Variants in DAB1 observed in about 807,000 individuals in gnomAD.
DAB1 encodes DAB adaptor protein 1, also known as disabled homolog 1.
In DAB1, 15 loss-of-function variants were observed where a neutral mutation model predicts 64.6. The observed-to-expected ratio is 0.23, with a 90% CI of 0.16 to 0.36. The LOEUF is 0.36. Ranked by LOEUF, DAB1 falls within the 10% of genes least tolerant of loss-of-function variation. The probability of loss-of-function intolerance (pLI) is 1.00; values close to 1 mark genes in which losing one functional copy is unlikely to be tolerated. For missense variants in DAB1, 596 were observed against 706.7 expected (o/e 0.84, Z 1.78); for synonymous variants, 235 against 251.9 (o/e 0.93, Z 0.64).
At chr1:58,019,138 T>C (rs1163955558) in intron 5 of DAB1, among the ~76,000 whole-genome samples, 1 of 152,226 alleles carries the variant, frequency 6.6e-6, no homozygotes, top group African/African-American at 2.4e-5. Flanking sequence ...CTCCCAGCTC[T>C]AAAATTCTGA....
intron 4 of DAB1, among the ~76,000 whole-genome samples, chr1:58,300,586 AAGAAAGAAAGAAAGAAAGAAAG>A (rs1662109082): frequency 1.2e-4 from 3 of 25,814 alleles, no homozygotes; most frequent in African/African-American, 1.0e-4. Context: ...GAAAGAAAGA[AAGAAAGAAAGAAAGAAAGAAAG>A]AAAGAGAGAG....
chr1:57,708,331 C>G (rs2101741309), intron 6 of DAB1, among the ~76,000 whole-genome samples: 1 of 152,292 alleles, frequency 6.6e-6, no homozygotes, highest in South Asian at 2.1e-4. Context: ...GGGCTAGTAC[C>G]CAAGTTGTAA....
chr1:57,869,144 T>C (rs1010039295), intron 1 of DAB1, among the ~76,000 whole-genome samples: 1 of 152,146 alleles, frequency 6.6e-6, no homozygotes, highest in African/African-American at 2.4e-5. Flanking sequence ...CATCCTTTAC[T>C]GCCAGTAAAA....
At chr1:57,331,356 AT>A (rs1284369438) in intron 1 of DAB1, among the ~76,000 whole-genome samples, 8 of 152,204 alleles carry the variant, frequency 5.3e-5, no homozygotes, top group Admixed American at 1.3e-4. Context: ...TATGTTACAA[AT>A]TTATAAATTG....
chr1:57,209,459 C>T (rs989716129), intron 2 of DAB1, among the ~76,000 whole-genome samples: 8 of 152,206 alleles, frequency 5.3e-5, no homozygotes, highest in African/African-American at 1.9e-4. Flanking sequence ...CACTGTTCCT[C>T]TACTATAAGT....
intron 7 of DAB1, among the ~76,000 whole-genome samples, chr1:57,504,406 A>G (rs1644321783): frequency 6.6e-6 from 1 of 152,176 alleles, no homozygotes; most frequent in African/African-American, 2.4e-5. Flanking sequence ...ATGATGCGGT[A>G]TGTCAAAGGG....
intron 9 of DAB1, among the ~76,000 whole-genome samples, chr1:57,036,561 C>T (rs1647160317): frequency 6.6e-6 from 1 of 152,208 alleles, no homozygotes; most frequent in Non-Finnish European, 1.5e-5. Flanking sequence ...CTCCAAATTG[C>T]TAAATCTTGT....
At chr1:58,231,413 A>G (rs1570516723) in intron 4 of DAB1, among the ~76,000 whole-genome samples, 1 of 152,340 alleles carries the variant, frequency 6.6e-6, no homozygotes, top group Non-Finnish European at 1.5e-5. Context: ...TCAGACCACA[A>G]ACATGCAAAT....
rs114793545 is a variant in DAB1 at position 58,250,857 on chromosome 1, G to A, written n.309+92495C>T. ...TGTGCTGCCTCTAGGGTCTTGGCCT[G>A]CACGTGCTTTTACACAGCCTCCTCC... On this transcript the variant is annotated intron_variant and non_coding_transcript_variant, in intron 4 of 20. Coordinates refer to the DAB1 transcript ENST00000485760. 9.1e-3 allele frequency among the ~76,000 whole-genome samples: 1,380 copies of A among 152,266 alleles called. 29 individuals are homozygous for A. The highest frequency in any genetic ancestry group is 0.032 in the African/African-American group (1,313 of 41,556).
chr1:58,524,501 C>A (rs1404326961), intron 2 of DAB1, among the ~76,000 whole-genome samples: 2 of 152,162 alleles, frequency 1.3e-5, no homozygotes, highest in Non-Finnish European at 2.9e-5. Flanking sequence ...TATGGCAATC[C>A]TGCACCCACA....
At chr1:58,415,643 A>C (rs1470259862) in intron 3 of DAB1, among the ~76,000 whole-genome samples, 1 of 152,232 alleles carries the variant, frequency 6.6e-6, no homozygotes, top group Non-Finnish European at 1.5e-5. Context: ...CATAGCATGG[A>C]ATTTCTCTTC....
intron 5 of DAB1, among the ~76,000 whole-genome samples, chr1:58,112,875 G>T (rs1250059033): frequency 6.6e-6 from 1 of 152,180 alleles, no homozygotes; most frequent in East Asian, 1.9e-4. Context: ...GCCTCTGGAA[G>T]GCTGTGGGGA....
chr1:57,271,771 T>C (rs1570120249), intron 2 of DAB1, among the ~76,000 whole-genome samples: 1 of 152,332 alleles, frequency 6.6e-6, no homozygotes, highest in East Asian at 1.9e-4. Context: ...TTGGTAGTTG[T>C]ACCTGTTCAG....
chr1:58,288,329 C>G (rs565435135), intron 4 of DAB1, among the ~76,000 whole-genome samples: 1 of 152,248 alleles, frequency 6.6e-6, no homozygotes, highest in East Asian at 1.9e-4. Flanking sequence ...AAGTTTCTGT[C>G]TGGATCTCTT....
At chr1:58,249,197 TTC>T (rs1433079086) in intron 4 of DAB1, among the ~76,000 whole-genome samples, 1 of 151,620 alleles carries the variant, frequency 6.6e-6, no homozygotes, top group East Asian at 2.0e-4. Context: ...CACACACACA[TTC>T]TCTCTCTCCT....
chr1:58,023,856 T>C (rs768208275), intron 5 of DAB1, among the ~76,000 whole-genome samples: 7 of 152,144 alleles, frequency 4.6e-5, no homozygotes, highest in Non-Finnish European at 1.0e-4. Context: ...TCTAGATGGA[T>C]CCTGCAAAAA....
chr1:58,219,025 C>CTCTCTCTCTCTCTCTCTGTG lies in DAB1; in HGVS notation n.310-68438_310-68437insCACAGAGAGAGAGAGAGAGA, dbSNP rs376130413. On this transcript the variant is annotated intron_variant and non_coding_transcript_variant, in intron 4 of 20. Transcript: ENST00000485760. ...TCTCTCTCTCTCTCTCTCTCTCTCTCTGTGTGTGTGTGTGTGTGTTTCAAT... is the reference window on the plus strand; with the variant it reads ...TCTCTCTCTCTCTCTCTCTCTCTCTCTCTCTCTCTCTCTCTCTGTGTGTGTGTGTGTGTGTGTGTTTCAAT... 1.9e-3 allele frequency among the ~76,000 whole-genome samples: 240 copies of CTCTCTCTCTCTCTCTCTGTG among 129,532 alleles called. 1 individual carries two copies. The highest frequency in any genetic ancestry group is 0.011 in the East Asian group (47 of 4,142). The allele number at this position is 129,532 out of a possible 152,430, so 85.0% of individuals were successfully genotyped here. A position where few individuals can be genotyped will look rare whatever the true frequency, so the allele number is the denominator to read the frequency against.
In DAB1 at chr1:57,995,795, A is replaced by G. The variant is rs575375205; in HGVS notation, n.388-111633T>C. On this transcript the variant is annotated intron_variant and non_coding_transcript_variant, in intron 5 of 20. Transcript: ENST00000485760. Reference sequence around the variant, plus strand: ...AAAATGAGGCCAGCAGGGGTCTTTAAATTGCTATTGAGAGTCTCAGGTTTC... The same window carrying G: ...AAAATGAGGCCAGCAGGGGTCTTTAGATTGCTATTGAGAGTCTCAGGTTTC... Among the ~76,000 whole-genome samples, 112 of 152,088 alleles carry G rather than the reference A, an allele frequency of 7.4e-4. 1 individual carries two copies. The highest frequency in any genetic ancestry group is 2.6e-3 in the African/African-American group (109 of 41,518).
chr1:58,480,930 A>G (rs1198670078), intron 3 of DAB1: 1 of 833,794 alleles, frequency 1.2e-6, no homozygotes, highest in Non-Finnish European at 2.1e-6. Flanking sequence ...GGACTGCAAC[A>G]TTCTTCATAT....
Sources: gnomAD v4.1 joint callset for allele counts (sites outside exome capture counted in the v4.1 genomes callset) on GRCh38, gnomAD v4.1.1 for gene constraint, MANE v1.5 for transcripts, NCBI Gene and HGNC (gene_info 2026-07-23, HGNC 2026-07-21) for gene names.